The following CREBRF variants were observed in gnomAD, a reference collection of about 807,000 sequenced individuals.
CREBRF encodes UPF0474 protein C5orf41.
CREBRF carries 5 observed loss-of-function variants against 66.1 expected under a neutral mutation model. That is an observed-to-expected ratio of 0.08 (90% CI 0.04 to 0.16). The LOEUF (loss-of-function observed/expected upper bound fraction) is 0.16. CREBRF is among the 10% of genes least tolerant of loss of function. CREBRF has a pLI of 1.00. For missense variants in CREBRF, 531 were observed against 744.9 expected (o/e 0.71, Z 3.34); for synonymous variants, 229 against 264.4 (o/e 0.87, Z 1.30).
chr5:173,057,826 T>C (rs1757122188), intron 1 of CREBRF: 1 of 151,546 alleles, frequency 6.6e-6, no homozygotes, highest in South Asian at 2.1e-4. Flanking sequence ...TTTTTTTTTT[T>C]TCTCATCAGG....
chr5:173,060,769 T>A (rs892961827), intron 1 of CREBRF, among the ~76,000 whole-genome samples: 1 of 151,958 alleles, frequency 6.6e-6, no homozygotes, highest in East Asian at 1.9e-4. Flanking sequence ...ATATTTAGGC[T>A]TTTTCAGCCT....
At chr5:173,084,596 C>T (rs529647374) in intron 2 of CREBRF, among the ~76,000 whole-genome samples, 5 of 152,042 alleles carry the variant, frequency 3.3e-5, no homozygotes, top group South Asian at 4.2e-4. Context: ...TGGGTAGGTA[C>T]GCGGCATTTG....
At chr5:173,106,494 G>T (rs559709513) in intron 4 of CREBRF, among the ~76,000 whole-genome samples, 1 of 152,006 alleles carries the variant, frequency 6.6e-6, no homozygotes, top group African/African-American at 2.4e-5. Context: ...AAACTACCAC[G>T]TGTACACTAA....
chr5:173,101,401 C>G (rs907853886), intron 4 of CREBRF, among the ~76,000 whole-genome samples: 1 of 152,048 alleles, frequency 6.6e-6, no homozygotes, highest in African/African-American at 2.4e-5. Context: ...TTATCTCACT[C>G]TCTTCTAGCC....
At chr5:173,070,741 A>G (rs1215643514) in intron 1 of CREBRF, among the ~76,000 whole-genome samples, 1 of 152,136 alleles carries the variant, frequency 6.6e-6, no homozygotes, top group Non-Finnish European at 1.5e-5. Flanking sequence ...GTGGTTCAAG[A>G]CTCAATTTAA....
At chr5:173,105,301 G>T (rs944773790) in intron 4 of CREBRF, among the ~76,000 whole-genome samples, 4 of 151,498 alleles carry the variant, frequency 2.6e-5, no homozygotes, top group Non-Finnish European at 5.9e-5. Flanking sequence ...TTTCCCTTAT[G>T]CTTTGGGCTG....
At chr5:173,124,049 TA>T (rs1448783398) in intron 8 of CREBRF, 1 of 152,210 alleles carries the variant, frequency 6.6e-6, no homozygotes, top group Non-Finnish European at 1.5e-5. Flanking sequence ...ATTCTTCCTT[TA>T]TTAGCTACAG....
chr5:173,122,273 C>T (rs1429522749), intron 7 of CREBRF, among the ~76,000 whole-genome samples: 1 of 152,034 alleles, frequency 6.6e-6, no homozygotes, highest in South Asian at 2.1e-4. Context: ...GGCTAATTTT[C>T]GTGGTTTTAT....
intron 4 of CREBRF, among the ~76,000 whole-genome samples, chr5:173,104,711 C>G (rs1758708004): frequency 6.8e-6 from 1 of 146,506 alleles, no homozygotes; most frequent in Non-Finnish European, 1.5e-5. Context: ...GCAACAAATT[C>G]AGAGAGAGAG....
intron 1 of CREBRF, among the ~76,000 whole-genome samples, chr5:173,066,343 C>A (rs1409731825): frequency 6.6e-6 from 1 of 152,130 alleles, no homozygotes; most frequent in Non-Finnish European, 1.5e-5. Context: ...ATGTGACTGC[C>A]TATGTGCCCT....
intron 4 of CREBRF, among the ~76,000 whole-genome samples, chr5:173,096,186 G>A (rs1006680467): frequency 6.6e-5 from 10 of 152,064 alleles, no homozygotes; most frequent in African/African-American, 2.2e-4. Flanking sequence ...AGCCAGGATG[G>A]TCTCGATCTC....
At chr5:173,084,117 A>C (rs148321446) in intron 2 of CREBRF, among the ~76,000 whole-genome samples, 1 of 152,194 alleles carries the variant, frequency 6.6e-6, no homozygotes, top group Non-Finnish European at 1.5e-5. Context: ...AGAAAAGGCA[A>C]CTTTCAAAAA....
intron 2 of CREBRF, among the ~76,000 whole-genome samples, chr5:173,083,881 T>A (rs1340878191): frequency 7.9e-5 from 12 of 152,216 alleles, no homozygotes; most frequent in Non-Finnish European, 1.6e-4. Context: ...AACATTTTTT[T>A]AAATTACAAA....
At chr5:173,084,480 T>C (rs565069033) in intron 2 of CREBRF, among the ~76,000 whole-genome samples, 59 of 152,288 alleles carry the variant, frequency 3.9e-4, no homozygotes, top group Admixed American at 1.6e-3. Context: ...AAACAAAAAC[T>C]GGTACTAATC....
chr5:173,118,316 C>T lies in CREBRF; in HGVS notation c.1682-4764C>T, dbSNP rs988262276. Among the ~76,000 whole-genome samples the T allele has an allele frequency of 5.3e-5, 8 of 152,326 alleles. No individual in the cohort carries two copies. The East Asian group carries it at 1.5e-3, about 29-fold the overall frequency. On this transcript the variant is annotated intron_variant, in intron 7 of 8. Transcript: ENST00000296953. ...GGCATGAGCCACCATGCCTGGCCCTCACTGGCATCTTTCAAAGATCAAACA... is the reference window on the plus strand; with the variant it reads ...GGCATGAGCCACCATGCCTGGCCCTTACTGGCATCTTTCAAAGATCAAACA...
intron 4 of CREBRF, among the ~76,000 whole-genome samples, chr5:173,105,391 G>A (rs1179824846): frequency 6.6e-6 from 1 of 152,140 alleles, no homozygotes. Context: ...ATCTGCCTGT[G>A]TTGAGGTGTT....
intron 3 of CREBRF, among the ~76,000 whole-genome samples, chr5:173,089,164 G>A (rs1380589603): frequency 7.4e-6 from 1 of 135,428 alleles, no homozygotes; most frequent in Non-Finnish European, 1.5e-5. Flanking sequence ...GTGACAGAGT[G>A]AGACTCCATC....
intron 8 of CREBRF, among the ~76,000 whole-genome samples, chr5:173,128,009 C>T (rs1023491497): frequency 2.6e-5 from 4 of 152,098 alleles, no homozygotes; most frequent in African/African-American, 7.2e-5. Flanking sequence ...TTCTCCCCCC[C>T]AAAACCAGCT....
chr5:173,085,043 A>G lies in CREBRF; in HGVS notation c.10-1458A>G, dbSNP rs181499776. ...CTGCAGCCTCCACCTCCTGGGTTCA[A>G]GCGATTCTCCTGCCTCAGCCTCCTG... On this transcript the variant is annotated intron_variant, in intron 2 of 8. Transcript: ENST00000296953. 2.4e-3 allele frequency among the ~76,000 whole-genome samples: 366 copies of G among 152,072 alleles called. 1 individual carries two copies. Among genetic ancestry groups the G allele is most frequent in the African/African-American group, 8.4e-3 (350 of 41,480 alleles).
Sources: allele counts gnomAD v4.1 joint callset (sites outside exome capture counted in the v4.1 genomes callset), GRCh38; gene constraint gnomAD v4.1.1; transcripts MANE v1.5; gene names NCBI Gene and HGNC (gene_info 2026-07-23, HGNC 2026-07-21).